GPC5: variants seen among roughly 807,000 people sequenced by gnomAD.
GPC5 encodes the protein glypican-5.
In GPC5, 47 loss-of-function variants were observed where a neutral mutation model predicts 53.9. The ratio of observed to expected loss-of-function variants is 0.87; its 90% CI spans 0.69 to 1.11. GPC5 has a LOEUF of 1.11. Among genes scored for constraint, GPC5 ranks in the 50% most tolerant of loss-of-function variants. The pLI is 0.00. For synonymous variants in GPC5, 286 were observed against 263.3 expected, an observed-to-expected ratio of 1.09 and a Z score of -0.84; for missense variants, 748 against 713.1, an observed-to-expected ratio of 1.05 and a Z score of -0.56.
intron 6 of GPC5, among the ~76,000 whole-genome samples, chr13:91,914,402 TTAAG>T (rs1312453266): frequency 1.3e-5 from 2 of 152,152 alleles, no homozygotes; most frequent in East Asian, 1.9e-4. Context: ...CATAAGAGTA[TTAAG>T]TTTCTATTAA....
At chr13:92,420,663 G>A (rs751100236) in intron 7 of GPC5, among the ~76,000 whole-genome samples, 55 of 151,640 alleles carry the variant, frequency 3.6e-4, no homozygotes, top group Non-Finnish European at 5.9e-4. Flanking sequence ...CCAGCCTCTG[G>A]TAACCATCCT....
chr13:92,103,417 TA>T (rs1481922144), intron 6 of GPC5, among the ~76,000 whole-genome samples: 1 of 152,220 alleles, frequency 6.6e-6, no homozygotes, highest in Non-Finnish European at 1.5e-5. Flanking sequence ...ATATACATGG[TA>T]TTCTAAATAT....
At chr13:91,470,782 T>C (rs4773632) in intron 2 of GPC5, among the ~76,000 whole-genome samples, 47,330 of 152,048 alleles carry the variant, frequency 0.31, 7,822 homozygotes, top group East Asian at 0.58. Flanking sequence ...AGCAAGCCTC[T>C]GTAAGAAACT....
chr13:91,457,309 T>C (rs945926384), intron 2 of GPC5, among the ~76,000 whole-genome samples: 9 of 152,156 alleles, frequency 5.9e-5, no homozygotes, highest in African/African-American at 2.2e-4. Flanking sequence ...CAAAATTTTA[T>C]CTATGATGGT....
intron 7 of GPC5, among the ~76,000 whole-genome samples, chr13:92,167,967 G>C (rs2042043720): frequency 6.6e-6 from 1 of 152,158 alleles, no homozygotes; most frequent in Non-Finnish European, 1.5e-5. Flanking sequence ...CAAACCTTGG[G>C]TGATGACATG....
intron 6 of GPC5, among the ~76,000 whole-genome samples, chr13:92,092,374 A>T (rs1259814297): frequency 6.6e-6 from 1 of 152,208 alleles, no homozygotes; most frequent in Non-Finnish European, 1.5e-5. Flanking sequence ...ATGCCACCAG[A>T]TGCCTATACT....
chr13:91,697,921 A>T (rs970568123), intron 3 of GPC5, among the ~76,000 whole-genome samples: 12 of 136,970 alleles, frequency 8.8e-5, no homozygotes, highest in Admixed American at 5.1e-4. Context: ...TTTTTTTTTG[A>T]GACGGAGTCT....
rs576045739 is a variant in GPC5 at position 91,543,282 on chromosome 13, C to T, written c.325+94360C>T. 2.0e-5 allele frequency among the ~76,000 whole-genome samples: 3 copies of T among 152,218 alleles called. No homozygotes were observed. The East Asian group carries it at 5.8e-4, about 29-fold the overall frequency. On this transcript the variant is annotated intron_variant, in intron 2 of 7. Coordinates refer to ENST00000377067, the MANE Select transcript of GPC5 (RefSeq NM_004466.6). ...TTCTGGGATTACAGGTGTGAGCCAC[C>T]GCTCCGGCCCCCAATTTTTGTATAC...
intron 7 of GPC5, among the ~76,000 whole-genome samples, chr13:92,583,227 G>C (rs933815258): frequency 2.0e-5 from 3 of 152,070 alleles, no homozygotes; most frequent in Admixed American, 6.5e-5. Context: ...CACATTTTCT[G>C]CATCTATGGA....
At chr13:91,603,688 A>G (rs1379932825) in intron 2 of GPC5, among the ~76,000 whole-genome samples, 1 of 152,164 alleles carries the variant, frequency 6.6e-6, no homozygotes, top group East Asian at 1.9e-4. Context: ...CTCTTTTTAG[A>G]GAGTCATTTA....
chr13:91,587,495 T>C (rs2139142008), intron 2 of GPC5, among the ~76,000 whole-genome samples: 1 of 152,266 alleles, frequency 6.6e-6, no homozygotes, highest in East Asian at 1.9e-4. Flanking sequence ...TTTTTTCATT[T>C]AACCTTCAAA....
intron 6 of GPC5, among the ~76,000 whole-genome samples, chr13:91,973,006 G>T (rs1167290758): frequency 6.6e-6 from 1 of 152,148 alleles, no homozygotes; most frequent in Non-Finnish European, 1.5e-5. Flanking sequence ...GAATCTGAAT[G>T]TTGGCCTGCC....
chr13:92,304,680 T>TTAAACG (rs59868735), intron 7 of GPC5, among the ~76,000 whole-genome samples: 54,173 of 151,902 alleles, frequency 0.36, 11,016 homozygotes, highest in African/African-American at 0.56. Flanking sequence ...AATATGTAAG[T>TTAAACG]TAAATATTTC....
chr13:91,537,584 T>A (rs1886650617), intron 2 of GPC5, among the ~76,000 whole-genome samples: 1 of 152,252 alleles, frequency 6.6e-6, no homozygotes, highest in East Asian at 1.9e-4. Flanking sequence ...GATGAATGCT[T>A]CCAAACATTA....
intron 7 of GPC5, among the ~76,000 whole-genome samples, chr13:92,681,805 G>A (rs1186488279): frequency 6.6e-6 from 1 of 152,114 alleles, no homozygotes; most frequent in Non-Finnish European, 1.5e-5. Flanking sequence ...ATCTGGAATA[G>A]CATTTTCCCT....
intron 5 of GPC5, among the ~76,000 whole-genome samples, chr13:91,773,731 A>G (rs1010080556): frequency 7.9e-5 from 12 of 152,196 alleles, no homozygotes; most frequent in African/African-American, 2.2e-4. Context: ...CTTGAGGACT[A>G]AGCAGCTAAT....
intron 7 of GPC5, among the ~76,000 whole-genome samples, chr13:92,697,304 A>C (rs566650278): frequency 1.3e-5 from 2 of 152,286 alleles, no homozygotes; most frequent in African/African-American, 2.4e-5. Context: ...AGCCATTTTC[A>C]CGATATTGAT....
rs555991369 is a variant in GPC5 at position 92,251,430 on chromosome 13, T to C, written c.1561+106441T>C. 7.9e-5 allele frequency among the ~76,000 whole-genome samples: 12 copies of C among 152,182 alleles called. No homozygotes were observed. In the South Asian group the frequency reaches 2.5e-3, roughly 32 times the overall value. The stretch of plus-strand genomic sequence containing the variant: ...ACTCACCAGCACATCACTGGATATA[T>C]GTGAGAAGATGCTGGGGTTTGTGGG... On this transcript the variant is annotated intron_variant, in intron 7 of 7. Coordinates refer to ENST00000377067, the MANE Select transcript of GPC5 (RefSeq NM_004466.6).
chr13:92,800,669 ATGAT>A (rs1441084068), intron 7 of GPC5, among the ~76,000 whole-genome samples: 3 of 151,858 alleles, frequency 2.0e-5, no homozygotes, highest in African/African-American at 7.2e-5. Flanking sequence ...GAAGGTTCCT[ATGAT>A]TATCTAGAAG....
Sources: allele counts gnomAD v4.1 joint callset (sites outside exome capture counted in the v4.1 genomes callset), GRCh38; gene constraint gnomAD v4.1.1; transcripts MANE v1.5; gene names NCBI Gene and HGNC (gene_info 2026-07-23, HGNC 2026-07-21).